The following PPDPFL variants were observed in gnomAD, a reference collection of about 807,000 sequenced individuals.
The protein encoded by PPDPFL is pancreatic progenitor cell differentiation and proliferation factor-like protein.
In PPDPFL, 12 loss-of-function variants were observed where a neutral mutation model predicts 12.6. The observed-to-expected ratio is 0.95, with a 90% CI of 0.61 to 1.54. PPDPFL has a LOEUF of 1.54. PPDPFL is among the 40% of genes most tolerant of loss of function. The pLI, the probability that PPDPFL is intolerant of heterozygous loss-of-function variation, is 0.00. For missense variants in PPDPFL, 114 were observed against 96.0 expected, an observed-to-expected ratio of 1.19 and a Z score of -0.78; for synonymous variants, 24 against 32.7, an observed-to-expected ratio of 0.73 and a Z score of 0.91.
At position 49,075,311 on chromosome 8, in the gene PPDPFL, C is replaced by G; in HGVS notation, c.*138C>G. The G allele has an allele frequency of 1.9e-6, 3 of 1,554,408 alleles. No homozygotes were observed. The highest frequency in any genetic ancestry group is 1.7e-4 in the Middle Eastern group (1 of 5,950). ...ATACATGAACAGCTCCCCTTCAGCG[C>G]CCCAGCTATTCCAGGACTCTTCTCC... On this transcript the variant is annotated 3_prime_UTR_variant, in exon 5 of 5. Transcript: ENST00000522267.
upstream of PPDPFL, among the ~76,000 whole-genome samples, chr8:49,071,395 C>A (rs6993035): frequency 0.031 from 4,768 of 152,238 alleles, 271 homozygotes; most frequent in African/African-American, 0.11. Flanking sequence ...CAGTGGCTTA[C>A]GCCTGTAATC....
intron 1 of PPDPFL, among the ~76,000 whole-genome samples, chr8:49,066,296 C>T (rs865816433): frequency 6.6e-6 from 1 of 152,180 alleles, no homozygotes; most frequent in African/African-American, 2.4e-5. Context: ...TAGAGCCAAT[C>T]GCCTGGCCTA....
upstream of PPDPFL, among the ~76,000 whole-genome samples, chr8:49,069,133 C>T (rs1808342642): frequency 6.6e-6 from 1 of 152,120 alleles, no homozygotes; most frequent in Non-Finnish European, 1.5e-5. Flanking sequence ...GAAGACAAAG[C>T]AAATATCCAC....
At chr8:49,074,949 G>C in intron 4 of PPDPFL, 1 of 1,378,104 alleles carries the variant, frequency 7.3e-7, no homozygotes, top group South Asian at 1.6e-5. Context: ...TAGTGATTCT[G>C]ATGAATTTCC....
upstream of PPDPFL, among the ~76,000 whole-genome samples, chr8:49,072,138 C>T (rs1194784076): frequency 8.5e-5 from 13 of 152,374 alleles, 1 homozygote; most frequent in African/African-American, 3.1e-4. Context: ...GAGCATTGGG[C>T]CAAGTCCTTC....
chr8:49,054,965 T>C (rs1242136712), intron 1 of PPDPFL, among the ~76,000 whole-genome samples: 1 of 152,164 alleles, frequency 6.6e-6, no homozygotes, highest in Non-Finnish European at 1.5e-5. Context: ...CGTGTGTGCT[T>C]TTAATTCTGG....
In PPDPFL at chr8:49,075,934, G is replaced by C. The variant is rs929895218; in HGVS notation, c.*761G>C. Reference sequence around the variant, plus strand: ...GTTACATATGCATAAAGATAGACTGGAAGGAACTGTACCAAAATGCTGACA... The same window carrying C: ...GTTACATATGCATAAAGATAGACTGCAAGGAACTGTACCAAAATGCTGACA... On this transcript the variant is annotated 3_prime_UTR_variant, in exon 5 of 5. Coordinates refer to ENST00000522267, the MANE Select transcript of PPDPFL (RefSeq NM_001256597.2). 5.3e-5 allele frequency: 8 copies of C among 152,140 alleles called. No individual in the cohort carries two copies. The highest frequency in any genetic ancestry group is 1.9e-4 in the African/African-American group (8 of 41,434). 9.4% of individuals were successfully genotyped at this position (152,140 alleles called of 1,614,324 possible). A position where few individuals can be genotyped will look rare whatever the true frequency, so the allele number is the denominator to read the frequency against.
In PPDPFL at chr8:49,075,255, A is replaced by T. The variant is rs759858274; in HGVS notation, c.*82A>T. ...TGTAGCATGAACAGTTGATTCTGAC[A>T]ATCAAGATCCTCTGCCTGCTGCAGT... On this transcript the variant is annotated 3_prime_UTR_variant, in exon 5 of 5. Coordinates refer to ENST00000522267, the MANE Select transcript of PPDPFL (RefSeq NM_001256597.2). 1 of 1,614,012 alleles carries T rather than the reference A, an allele frequency of 6.2e-7. No homozygotes were observed. Among genetic ancestry groups the T allele is most frequent in the South Asian group, 1.1e-5 (1 of 91,090 alleles).
intron 1 of PPDPFL, among the ~76,000 whole-genome samples, chr8:49,057,786 G>T (rs951280336): frequency 6.6e-6 from 1 of 152,118 alleles, no homozygotes; most frequent in Admixed American, 6.6e-5. Context: ...TCTTCATAGA[G>T]TTTTGCTAAA....
intron 1 of PPDPFL, among the ~76,000 whole-genome samples, chr8:49,059,029 C>T (rs932557363): frequency 3.3e-5 from 5 of 152,192 alleles, no homozygotes; most frequent in Non-Finnish European, 5.9e-5. Flanking sequence ...AGCCTCTATT[C>T]TGGCTGGCTT....
At position 49,075,319 on chromosome 8, in the gene PPDPFL, A is replaced by C; in HGVS notation, c.*146A>C. On this transcript the variant is annotated 3_prime_UTR_variant, in exon 5 of 5. Transcript: ENST00000522267. ...ACAGCTCCCCTTCAGCGCCCCAGCT[A>C]TTCCAGGACTCTTCTCCATTGTAAG... 6.7e-7 allele frequency: 1 copy of C among 1,502,464 alleles called. No homozygotes were observed. The allele number at this position is 1,502,464 out of a possible 1,614,324, so 93.1% of individuals were successfully genotyped here.
At chr8:49,073,084 C>G (rs940363789) in intron 2 of PPDPFL, among the ~76,000 whole-genome samples, 199 bp downstream of exon 2, 2 of 152,186 alleles carry the variant, frequency 1.3e-5, no homozygotes, top group African/African-American at 4.8e-5. Context: ...TACGCTGTAT[C>G]GTTGAAGCCA....
Position 49,075,551 on chromosome 8 carries a change from G to T in PPDPFL, c.*378G>T. On this transcript the variant is annotated 3_prime_UTR_variant, in exon 5 of 5. Coordinates refer to ENST00000522267, the MANE Select transcript of PPDPFL (RefSeq NM_001256597.2). ...CAAATGTTGTGACTTACATAAAGTA[G>T]CTCTTTCATTTTTTATATCATTTTT... is the stretch of plus-strand genomic sequence containing the variant. 4 of 434,772 alleles carry T rather than the reference G, an allele frequency of 9.2e-6. No homozygotes were observed. The highest frequency in any genetic ancestry group is 3.7e-5 in the East Asian group (1 of 27,138). The allele number at this position is 434,772 out of a possible 1,614,324, so 26.9% of individuals were successfully genotyped here. A position where few individuals can be genotyped will look rare whatever the true frequency, so the allele number is the denominator to read the frequency against.
At chr8:49,063,137 T>C (rs1461148450) in intron 1 of PPDPFL, among the ~76,000 whole-genome samples, 3 of 152,236 alleles carry the variant, frequency 2.0e-5, no homozygotes. Context: ...GGGCGGTATG[T>C]ATAGGAGCCC....
At chr8:49,055,297 G>A (rs1808095811) in intron 1 of PPDPFL, among the ~76,000 whole-genome samples, 1 of 152,050 alleles carries the variant, frequency 6.6e-6, no homozygotes, top group Non-Finnish European at 1.5e-5. Flanking sequence ...GTACATCAAA[G>A]GTTTCTGCAC....
rs76253396 is a variant in PPDPFL, at chr8:49,055,230, C to A, written c.-45+861C>A. ...TAATTGCTACAGTCTTATTGAAAGC[C>A]GTCACCATGCCTTTCCTAGACTCCC... On this transcript the variant is annotated intron_variant, in intron 1 of 4. Coordinates refer to the PPDPFL transcript ENST00000517663. Among the ~76,000 whole-genome samples, 1,359 of 152,104 alleles carry A rather than the reference C, an allele frequency of 8.9e-3. 9 individuals are homozygous for A. Among genetic ancestry groups the A allele is most frequent in the African/African-American group, 0.024 (1,009 of 41,488 alleles).
chr8:49,059,441 G>A (rs1260219615), intron 1 of PPDPFL, among the ~76,000 whole-genome samples: 2 of 152,104 alleles, frequency 1.3e-5, no homozygotes, highest in Non-Finnish European at 2.9e-5. Context: ...AAATGAGTGT[G>A]GATTCATGGA....
intron 1 of PPDPFL, among the ~76,000 whole-genome samples, chr8:49,061,734 G>T (rs1808208062): frequency 6.6e-6 from 1 of 152,120 alleles, no homozygotes; most frequent in South Asian, 2.1e-4. Flanking sequence ...CAGGTAAAGG[G>T]ACTTGTGGCT....
At chr8:49,063,664 G>A (rs150797912) in intron 1 of PPDPFL, among the ~76,000 whole-genome samples, 135 of 152,182 alleles carry the variant, frequency 8.9e-4, no homozygotes, top group African/African-American at 3.1e-3. Context: ...GTTGCAGTGA[G>A]CAGAAATGGC....
Sources: allele counts gnomAD v4.1 joint callset (sites outside exome capture counted in the v4.1 genomes callset), GRCh38; gene constraint gnomAD v4.1.1; transcripts MANE v1.5; gene names NCBI Gene and HGNC (gene_info 2026-07-23, HGNC 2026-07-21).